TAB3: variants seen among roughly 807,000 people sequenced by gnomAD.
The protein encoded by TAB3 is TGF-beta activated kinase 1 (MAP3K7) binding protein 3.
Under a neutral mutation model 48.1 loss-of-function variants are expected in TAB3, and 18 were observed. The ratio of observed to expected loss-of-function variants is 0.37; its 90% CI spans 0.26 to 0.55. The LOEUF is 0.55. TAB3 is among the 20% of genes least tolerant of loss of function. The pLI is 0.78. For missense variants in TAB3, 414 were observed against 549.8 expected (o/e 0.75, Z 2.47); for synonymous variants, 185 against 190.2 (o/e 0.97, Z 0.22).
At chrX:30,850,015 G>A (rs778245990) in intron 7 of TAB3, among the ~76,000 whole-genome samples, 14 of 111,837 alleles carry the variant, frequency 1.3e-4, no homozygotes, top group Admixed American at 1.2e-3. Flanking sequence ...GAAAAATCCC[G>A]TAAGATGAGT....
intron 7 of TAB3, among the ~76,000 whole-genome samples, chrX:30,849,013 CCCT>C (rs773613673): frequency 2.3e-4 from 26 of 111,487 alleles, no homozygotes; most frequent in Non-Finnish European, 4.5e-4. Flanking sequence ...TTAAATTTCC[CCCT>C]CCTCCTTGAA....
chrX:30,874,997 G>A (rs1033625170), intron 1 of TAB3, among the ~76,000 whole-genome samples: 3 of 112,040 alleles, frequency 2.7e-5, no homozygotes, highest in African/African-American at 9.8e-5. Context: ...CAGAGAGGTT[G>A]GCAAATTCCA....
chrX:30,888,953 A>G (rs1940217183), intron 1 of TAB3, among the ~76,000 whole-genome samples, 161 bp downstream of exon 1: 1 of 112,950 alleles, frequency 8.9e-6, no homozygotes. Flanking sequence ...GCAGCCCCGC[A>G]GTTCCCGCTG....
chrX:30,878,756 T>C (rs1156511976), intron 1 of TAB3, among the ~76,000 whole-genome samples: 1 of 111,260 alleles, frequency 9.0e-6, no homozygotes. Flanking sequence ...CACTCAAAGT[T>C]CTCTAAGGAA....
intron 1 of TAB3, among the ~76,000 whole-genome samples, chrX:30,885,475 A>T (rs774978707): frequency 3.3e-4 from 37 of 111,925 alleles, no homozygotes; most frequent in Non-Finnish European, 6.2e-4. Flanking sequence ...CCATAACTGG[A>T]AGTCTGAGCT....
chrX:30,863,452 A>G (rs1012894895), intron 4 of TAB3, among the ~76,000 whole-genome samples: 5 of 111,942 alleles, frequency 4.5e-5, no homozygotes, highest in Admixed American at 9.4e-5. Flanking sequence ...GTGATTCCCA[A>G]TGTTGGAGTT....
At chrX:30,853,082 C>G in intron 6 of TAB3, 144 bp from the exon 7 acceptor site, 1 of 558,624 alleles carries the variant, frequency 1.8e-6, no homozygotes, top group African/African-American at 2.3e-5. Flanking sequence ...GCTATGCTGC[C>G]TCCACATCTG....
Position 30,831,179 on chromosome X carries a change from G to A in TAB3, c.*248C>T, listed in dbSNP as rs1413133492. The A allele has an allele frequency of 3.2e-6, 1 of 312,768 alleles. No individual in the cohort carries two copies. Among genetic ancestry groups the A allele is most frequent in the Non-Finnish European group, 5.6e-6 (1 of 179,653 alleles). The allele number at this position is 312,768 out of a possible 1,213,427, so 25.8% of individuals were successfully genotyped here. A position where few individuals can be genotyped will look rare whatever the true frequency, so the allele number is the denominator to read the frequency against. On this transcript the variant is annotated 3_prime_UTR_variant, in exon 11 of 11. Coordinates refer to ENST00000288422, the MANE Select transcript of TAB3 (RefSeq NM_152787.5). ...ACTTCTGTGTGTACATTCTTTCACA[G>A]AGTGAATCCTTTCCCAGTTTCAAGT...
intron 10 of TAB3, among the ~76,000 whole-genome samples, chrX:30,831,802 A>G (rs1275594426): frequency 3.6e-5 from 4 of 112,287 alleles, no homozygotes; most frequent in Admixed American, 1.9e-4. Context: ...GAAGATGGAT[A>G]TATGTCCAGA....
intron 9 of TAB3, chrX:30,836,040 A>G (rs1235087459): frequency 8.9e-6 from 1 of 112,337 alleles, no homozygotes; most frequent in Admixed American, 9.4e-5. Context: ...TTCAAATACA[A>G]TATGAGAATC....
At chrX:30,880,776 G>C (rs1314877644) in intron 1 of TAB3, among the ~76,000 whole-genome samples, 1 of 111,752 alleles carries the variant, frequency 8.9e-6, no homozygotes, top group Non-Finnish European at 1.9e-5. Flanking sequence ...GGAAGATTTA[G>C]TTAAAAATAT....
intron 1 of TAB3, among the ~76,000 whole-genome samples, chrX:30,882,396 A>G (rs1332977263): frequency 2.7e-5 from 3 of 112,301 alleles, no homozygotes; most frequent in Non-Finnish European, 3.8e-5. Context: ...TTGAAATCAA[A>G]TCCATCAAAA....
Position 30,831,653 on chromosome X carries a change from G to C in TAB3, c.1991-78C>G, listed in dbSNP as rs180948039. On this transcript the variant is annotated intron_variant, in intron 10 of 10. Transcript: ENST00000288422. ...TTCCAAGTATAATCCAAACTGAAAA[G>C]AAAAATACCACAAAAATCAAGGGAG... The C allele has an allele frequency of 9.6e-6, 10 of 1,036,688 alleles. No individual in the cohort carries two copies. In the Admixed American group the frequency reaches 2.2e-4, roughly 23 times the overall value. The allele number at this position is 1,036,688 out of a possible 1,213,427, so 85.4% of individuals were successfully genotyped here. A position where few individuals can be genotyped will look rare whatever the true frequency, so the allele number is the denominator to read the frequency against.
At position 30,828,150 on chromosome X, in the gene TAB3, A is replaced by G. The variant is rs761571546; in HGVS notation, c.*3277T>C. ...GATATTTTTAGAGGACAATTCTTCT[A>G]TGCCTTATATTCTTTTTGTTTATAC... On this transcript the variant is annotated 3_prime_UTR_variant, in exon 11 of 11. Coordinates refer to ENST00000288422, the MANE Select transcript of TAB3 (RefSeq NM_152787.5). 4.4e-5 allele frequency: 5 copies of G among 112,599 alleles called. No homozygotes were observed. Among genetic ancestry groups the G allele is most frequent in the Admixed American group, 1.9e-4 (2 of 10,555 alleles). 9.3% of individuals were successfully genotyped at this position (112,599 alleles called of 1,213,427 possible).
At chrX:30,853,964 C>A in intron 6 of TAB3, 152 bp downstream of exon 6, 1 of 682,002 alleles carries the variant, frequency 1.5e-6, no homozygotes, top group Non-Finnish European at 2.1e-6. Context: ...CGTGAGCCAC[C>A]GCACCCGGCC....
intron 4 of TAB3, among the ~76,000 whole-genome samples, chrX:30,861,051 G>A (rs1277046572): frequency 9.0e-6 from 1 of 111,390 alleles, no homozygotes; most frequent in Non-Finnish European, 1.9e-5. Flanking sequence ...ATGTTAATAG[G>A]TAAATTTAGG....
Position 30,854,915 on chromosome X carries a change from C to T in TAB3, c.750G>A (p.Trp250Ter). ...GCACTGGGCCCTGTGGTGAGGACTG[C>T]CACGGCGTACTCTGAGGAGTTTGTC... ...SGRQTPQSTP[W>*]QSSPQGPVPH... The change falls in exon 6 of 11, where the codon TGG becomes TGA. Residue 250 changes from tryptophan to a stop codon, truncating the protein, a stop_gained. Coordinates refer to ENST00000288422, the MANE Select transcript of TAB3 (RefSeq NM_152787.5). LOFTEE classifies it high-confidence loss of function. 8.3e-7 allele frequency: 1 copy of T among 1,208,668 alleles called. No homozygotes were observed. Among genetic ancestry groups the T allele is most frequent in the Non-Finnish European group, 1.1e-6 (1 of 893,902 alleles).
intron 9 of TAB3, among the ~76,000 whole-genome samples, chrX:30,839,914 TTATATATATA>T (rs56260124): frequency 0.049 from 4,047 of 82,090 alleles, 196 homozygotes; most frequent in African/African-American, 0.15. Context: ...CATATATATA[TTATATATATA>T]TATATATATA....
chrX:30,846,156 T>A, intron 8 of TAB3: 4 of 708,818 alleles, frequency 5.6e-6, no homozygotes, highest in Non-Finnish European at 7.2e-6. Flanking sequence ...ATATATAGAG[T>A]TTATTTTAAA....
Sources: gnomAD v4.1 joint callset for allele counts (sites outside exome capture counted in the v4.1 genomes callset) on GRCh38, gnomAD v4.1.1 for gene constraint, MANE v1.5 for transcripts, NCBI Gene and HGNC (gene_info 2026-07-23, HGNC 2026-07-21) for gene names.